DTNA: variants seen among roughly 807,000 people sequenced by gnomAD.
The protein encoded by DTNA is dystrobrevin alpha.
In DTNA, 43 loss-of-function variants were observed where a neutral mutation model predicts 100.7. The ratio of observed to expected loss-of-function variants is 0.43; its 90% CI spans 0.33 to 0.55. The LOEUF is 0.55. Among genes scored for constraint, DTNA ranks in the 20% least tolerant of loss-of-function variants. The pLI, the probability that DTNA is intolerant of heterozygous loss-of-function variation, is 0.04. For missense variants in DTNA, 798 were observed against 953.9 expected (o/e 0.84, Z 2.15); for synonymous variants, 349 against 347.9 (o/e 1.00, Z -0.04).
chr18:34,564,588 T>A (rs889062936), intron 1 of DTNA, among the ~76,000 whole-genome samples: 6 of 152,232 alleles, frequency 3.9e-5, no homozygotes, highest in Admixed American at 3.3e-4. Flanking sequence ...CATTTGTGTA[T>A]TTTTAGTTAG....
chr18:34,696,928 C>A (rs2080649585), intron 1 of DTNA, among the ~76,000 whole-genome samples: 1 of 152,102 alleles, frequency 6.6e-6, no homozygotes, highest in African/African-American at 2.4e-5. Flanking sequence ...GCTTAGCTGT[C>A]CAGGGAACAT....
chr18:34,795,222 G>T (rs967191633), intron 4 of DTNA, among the ~76,000 whole-genome samples: 1 of 152,112 alleles, frequency 6.6e-6, no homozygotes, highest in South Asian at 2.1e-4. Flanking sequence ...ATTTACCCCC[G>T]CAGTGGAGAT....
At chr18:34,650,963 C>T (rs1310032455) in intron 1 of DTNA, among the ~76,000 whole-genome samples, 1 of 151,860 alleles carries the variant, frequency 6.6e-6, no homozygotes, top group African/African-American at 2.4e-5. Flanking sequence ...AGTAGTACAC[C>T]CTTTTATTGA....
At position 34,586,952 on chromosome 18, in the gene DTNA, C is replaced by T. The variant is rs183001989; in HGVS notation, c.-2+93438C>T. Reference sequence around the variant, plus strand: ...CCCACCCCAGGGTATAGAAAAAATACAACAAAATCTTTAGTTTTTTTTTTT... The same window carrying T: ...CCCACCCCAGGGTATAGAAAAAATATAACAAAATCTTTAGTTTTTTTTTTT... On this transcript the variant is annotated intron_variant, in intron 1 of 19. Coordinates refer to the DTNA transcript ENST00000283365. Among the ~76,000 whole-genome samples, 884 of 151,276 alleles carry T rather than the reference C, an allele frequency of 5.8e-3. 4 individuals are homozygous for T. Among genetic ancestry groups the T allele is most frequent in the Non-Finnish European group, 0.01 (710 of 67,894 alleles).
At chr18:34,811,866 G>A (rs1332035588) in intron 5 of DTNA, 93 bp from the exon 6 acceptor site, 2 of 1,423,356 alleles carry the variant, frequency 1.4e-6, no homozygotes, top group South Asian at 1.2e-5. Flanking sequence ...TGTTTATTTT[G>A]CTACTTTTTT....
At chr18:34,560,024 C>T (rs546348554) in intron 1 of DTNA, among the ~76,000 whole-genome samples, 1 of 152,256 alleles carries the variant, frequency 6.6e-6, no homozygotes, top group South Asian at 2.1e-4. Flanking sequence ...ATACCCTTTC[C>T]CATATAGACT....
chr18:34,764,285 G>T (rs975582624), intron 2 of DTNA, among the ~76,000 whole-genome samples: 2 of 152,134 alleles, frequency 1.3e-5, no homozygotes, highest in South Asian at 2.1e-4. Context: ...TATCCATGAG[G>T]AAATTGAGAT....
chr18:34,669,704 A>G (rs1007433808), intron 1 of DTNA, among the ~76,000 whole-genome samples: 14 of 152,208 alleles, frequency 9.2e-5, no homozygotes, highest in African/African-American at 2.9e-4. Flanking sequence ...TTGGCTGGAT[A>G]TGAAATTCTG....
chr18:34,546,486 A>C (rs188981540), intron 1 of DTNA, among the ~76,000 whole-genome samples: 138 of 152,248 alleles, frequency 9.1e-4, no homozygotes, highest in African/African-American at 3.1e-3. Flanking sequence ...AGAATCATGC[A>C]TGATTTCCTG....
chr18:34,663,960 T>G (rs944425892), intron 1 of DTNA, among the ~76,000 whole-genome samples: 1 of 152,170 alleles, frequency 6.6e-6, no homozygotes, highest in Non-Finnish European at 1.5e-5. Flanking sequence ...CTATACCAAG[T>G]ATGAGACAAA....
chr18:34,572,344 A>G (rs924303898), intron 1 of DTNA, among the ~76,000 whole-genome samples: 1 of 152,074 alleles, frequency 6.6e-6, no homozygotes, highest in Non-Finnish European at 1.5e-5. Flanking sequence ...TGATTCATAT[A>G]TTTTCTGTCA....
At chr18:34,495,078 C>T (rs902293179) in intron 1 of DTNA, among the ~76,000 whole-genome samples, 8 of 152,080 alleles carry the variant, frequency 5.3e-5, no homozygotes, top group African/African-American at 1.9e-4. Flanking sequence ...AAATAACTTA[C>T]CCAAGGTCAT....
chr18:34,859,987 T>C (rs750381491), intron 16 of DTNA, among the ~76,000 whole-genome samples: 1 of 152,196 alleles, frequency 6.6e-6, no homozygotes, highest in Non-Finnish European at 1.5e-5. Flanking sequence ...AATATCATAC[T>C]GTTCTTTCAC....
chr18:34,606,188 C>T (rs562469598), intron 1 of DTNA, among the ~76,000 whole-genome samples: 8 of 152,044 alleles, frequency 5.3e-5, no homozygotes, highest in South Asian at 2.1e-4. Flanking sequence ...ATTTTGACAA[C>T]GGGAGGGCTC....
intron 1 of DTNA, among the ~76,000 whole-genome samples, chr18:34,561,900 G>C (rs2046671763): frequency 6.6e-6 from 1 of 152,030 alleles, no homozygotes; most frequent in African/African-American, 2.4e-5. Flanking sequence ...ACTTATACTT[G>C]TGCCGACGGA....
At chr18:34,754,290 G>A (rs924336534) in intron 1 of DTNA, among the ~76,000 whole-genome samples, 17 of 152,020 alleles carry the variant, frequency 1.1e-4, no homozygotes, top group South Asian at 2.1e-4. Context: ...TACCTTTTGA[G>A]CAGTCTTCTG....
intron 1 of DTNA, among the ~76,000 whole-genome samples, chr18:34,715,277 G>A (rs1043987025): frequency 3.9e-5 from 6 of 152,074 alleles, no homozygotes; most frequent in Non-Finnish European, 5.9e-5. Flanking sequence ...GTATCTGACA[G>A]GAAAAATGCA....
rs139965338 is a variant in DTNA at position 34,772,551 on chromosome 18, G to A, written c.148+6510G>A. Among the ~76,000 whole-genome samples, 22 of 133,610 alleles carry A rather than the reference G, an allele frequency of 1.6e-4. No homozygotes were observed. The East Asian group carries it at 4.3e-3, about 26-fold the overall frequency. The allele number at this position is 133,610 out of a possible 152,430, so 87.7% of individuals were successfully genotyped here. On this transcript the variant is annotated intron_variant, in intron 3 of 22. Transcript: ENST00000444659. ...TCACCAGTCAGGTGACTAGAAGAACGCTGGTCTTATGTGGCAGGAGTAGCC... is the reference window on the plus strand; with the variant it reads ...TCACCAGTCAGGTGACTAGAAGAACACTGGTCTTATGTGGCAGGAGTAGCC...
intron 1 of DTNA, among the ~76,000 whole-genome samples, chr18:34,551,892 C>A (rs1354450595): frequency 6.6e-6 from 1 of 152,146 alleles, no homozygotes; most frequent in Non-Finnish European, 1.5e-5. Context: ...CCTGTCTCTG[C>A]AATATTTATG....
Sources: allele counts gnomAD v4.1 joint callset (sites outside exome capture counted in the v4.1 genomes callset), GRCh38; gene constraint gnomAD v4.1.1; transcripts MANE v1.5; gene names NCBI Gene and HGNC (gene_info 2026-07-23, HGNC 2026-07-21).